SLMAP: variants seen among roughly 807,000 people sequenced by gnomAD.
SLMAP encodes the protein sarcolemmal membrane-associated protein.
In SLMAP, 44 loss-of-function variants were observed where a neutral mutation model predicts 128.8. The observed-to-expected ratio is 0.34, with a 90% CI of 0.27 to 0.44. The LOEUF (loss-of-function observed/expected upper bound fraction) is 0.44, where lower values mean the gene tolerates loss of function less well. Ranked by LOEUF, SLMAP falls within the 20% of genes least tolerant of loss-of-function variation. The pLI, the probability that SLMAP is intolerant of heterozygous loss-of-function variation, is 1.00. For synonymous variants in SLMAP, 327 were observed against 348.8 expected (o/e 0.94, Z 0.70); for missense variants, 787 against 985.3 (o/e 0.80, Z 2.69).
chr3:57,808,161 G>A (rs1211958952), intron 2 of SLMAP, among the ~76,000 whole-genome samples: 1 of 151,478 alleles, frequency 6.6e-6, no homozygotes, highest in African/African-American at 2.4e-5. Context: ...TTCTTTATTG[G>A]TCTAGCAAGC....
intron 14 of SLMAP, among the ~76,000 whole-genome samples, chr3:57,874,686 C>T (rs532150116): frequency 1.2e-4 from 18 of 151,854 alleles, no homozygotes; most frequent in South Asian, 2.1e-4. Flanking sequence ...ATGTTGAAAC[C>T]GCATCTCTAC....
intron 14 of SLMAP, among the ~76,000 whole-genome samples, chr3:57,885,439 A>G (rs1277470209): frequency 9.6e-6 from 1 of 103,802 alleles, no homozygotes; most frequent in African/African-American, 3.3e-5. Context: ...TTTTTTTTTG[A>G]GACAGAGTCT....
intron 3 of SLMAP, among the ~76,000 whole-genome samples, chr3:57,839,034 G>C (rs1418360098): frequency 1.3e-5 from 2 of 151,698 alleles, no homozygotes; most frequent in African/African-American, 2.4e-5. Context: ...GGTCACTGTA[G>C]CCTCGAACTC....
chr3:57,909,890 G>A (rs1197984363), intron 19 of SLMAP, among the ~76,000 whole-genome samples: 1 of 151,450 alleles, frequency 6.6e-6, no homozygotes, highest in Non-Finnish European at 1.5e-5. Context: ...GGGATTACAG[G>A]TGTGAGCCAC....
intron 21 of SLMAP, among the ~76,000 whole-genome samples, chr3:57,915,857 C>T (rs1022260934): frequency 4.6e-5 from 7 of 151,922 alleles, no homozygotes; most frequent in Admixed American, 2.6e-4. Flanking sequence ...TTTTAACATC[C>T]AGTTATAAAA....
At chr3:57,855,965 C>A (rs2153590569) in intron 6 of SLMAP, among the ~76,000 whole-genome samples, 1 of 152,086 alleles carries the variant, frequency 6.6e-6, no homozygotes, top group South Asian at 2.1e-4. Flanking sequence ...ATTGCTTGAA[C>A]CCAAGAGGCG....
intron 2 of SLMAP, among the ~76,000 whole-genome samples, chr3:57,815,604 A>G (rs2091751384): frequency 6.6e-6 from 1 of 152,088 alleles, no homozygotes; most frequent in African/African-American, 2.4e-5. Context: ...ACCTGTATAT[A>G]TTAGAGTTCA....
rs138029436 is a variant in SLMAP, at chr3:57,884,148, C to T, written c.1301-5893C>T. On this transcript the variant is annotated intron_variant, in intron 14 of 24. Transcript: ENST00000671191. ...TTTGTCATGTTGCCCAGGCTGGTTTCGAGCTCCTGGGCTCAAGCGATCTGC... is the reference window on the plus strand; with the variant it reads ...TTTGTCATGTTGCCCAGGCTGGTTTTGAGCTCCTGGGCTCAAGCGATCTGC... 2.9e-3 allele frequency among the ~76,000 whole-genome samples: 446 copies of T among 152,138 alleles called. 3 individuals are homozygous for T. The highest frequency in any genetic ancestry group is 9.3e-3 in the African/African-American group (387 of 41,528).
In SLMAP at chr3:57,821,521, T is replaced by C. The variant is rs1489781990; in HGVS notation, c.199-9862T>C. On this transcript the variant is annotated intron_variant, in intron 2 of 24. Transcript: ENST00000671191. ...TCCAGCCTCAGAAATGTGTGATGCT[T>C]TGTTAGCCAGGAAGCCAGAAAGGTT... Among the ~76,000 whole-genome samples the C allele has an allele frequency of 2.6e-5, 4 of 152,210 alleles. No homozygotes were observed. In the South Asian group the frequency reaches 8.3e-4, roughly 32 times the overall value.
At chr3:57,776,740 A>C (rs536021408) in intron 2 of SLMAP, among the ~76,000 whole-genome samples, 2 of 151,552 alleles carry the variant, frequency 1.3e-5, no homozygotes, top group African/African-American at 4.9e-5. Context: ...TGGTCAGGCT[A>C]TCTTGAACTC....
chr3:57,890,219 C>A (rs1575796668), intron 15 of SLMAP, 119 bp downstream of exon 15: 1 of 836,386 alleles, frequency 1.2e-6, no homozygotes. Context: ...CACAAAATAG[C>A]AAGCCAGTAA....
chr3:57,773,852 TA>T (rs1282244715), intron 2 of SLMAP, among the ~76,000 whole-genome samples: 2 of 152,246 alleles, frequency 1.3e-5, no homozygotes, highest in African/African-American at 2.4e-5. Context: ...TTTTCAAGAT[TA>T]TTTTTATCTT....
At chr3:57,925,334 CT>C (rs11450622) in intron 23 of SLMAP, among the ~76,000 whole-genome samples, 1,839 of 119,978 alleles carry the variant, frequency 0.015, 26 homozygotes, top group African/African-American at 0.055. Context: ...GTTTCTTTCT[CT>C]TTTTTTTTTT....
chr3:57,882,188 A>G (rs2095761991), intron 14 of SLMAP, among the ~76,000 whole-genome samples: 1 of 152,222 alleles, frequency 6.6e-6, no homozygotes, highest in Non-Finnish European at 1.5e-5. Context: ...TACAAAGATT[A>G]ATTAAACATG....
At chr3:57,824,628 A>G (rs1232480146) in intron 2 of SLMAP, among the ~76,000 whole-genome samples, 2 of 152,168 alleles carry the variant, frequency 1.3e-5, no homozygotes, top group Admixed American at 1.3e-4. Context: ...GTATGCCGGT[A>G]ACACAATGTT....
In SLMAP at chr3:57,841,389, C is replaced by T. The variant is rs372203871; in HGVS notation, c.419+18C>T. The stretch of plus-strand genomic sequence containing the variant: ...CGCTCAGAGTGAGTATAATTTAGTA[C>T]TGTGAAGTTTTTGTGAAGTTTAGTA... On this transcript the variant is annotated intron_variant, in intron 4 of 24. Transcript: ENST00000671191. 1.1e-5 allele frequency: 17 copies of T among 1,527,966 alleles called. No homozygotes were observed. In the African/African-American group the frequency reaches 2.2e-4, roughly 20 times the overall value. 94.7% of individuals were successfully genotyped at this position (1,527,966 alleles called of 1,614,324 possible).
At chr3:57,848,195 C>T (rs1311050796) in intron 5 of SLMAP, among the ~76,000 whole-genome samples, 3 of 150,630 alleles carry the variant, frequency 2.0e-5, no homozygotes, top group Non-Finnish European at 4.4e-5. Flanking sequence ...CCTCCTCCTC[C>T]TCTTCTTTTC....
At chr3:57,911,003 G>C (rs1559532235) in intron 19 of SLMAP, among the ~76,000 whole-genome samples, 1 of 152,130 alleles carries the variant, frequency 6.6e-6, no homozygotes, top group East Asian at 1.9e-4. Context: ...TATGTCATAT[G>C]TGTTTTTAAA....
intron 2 of SLMAP, among the ~76,000 whole-genome samples, chr3:57,768,039 A>G (rs942667849): frequency 1.3e-5 from 2 of 152,208 alleles, no homozygotes; most frequent in Non-Finnish European, 2.9e-5. Flanking sequence ...CATTCAGGCA[A>G]ACTGATTTGG....
Sources: gnomAD v4.1 joint callset for allele counts (sites outside exome capture counted in the v4.1 genomes callset) on GRCh38, gnomAD v4.1.1 for gene constraint, MANE v1.5 for transcripts, NCBI Gene and HGNC (gene_info 2026-07-23, HGNC 2026-07-21) for gene names.